The following TTLL13 variants were observed in gnomAD, a reference collection of about 807,000 sequenced individuals.
TTLL13 encodes tubulin polyglutamylase TTLL13.
At chr15:90,264,819 A>T in the TTLL13 span, 1 of 1,536,144 alleles carries the variant, frequency 6.5e-7, no homozygotes, top group Non-Finnish European at 8.7e-7. Flanking sequence ...CTGCAACCGG[A>T]AAGAGTGGCA....
the TTLL13 span, among the ~76,000 whole-genome samples, chr15:90,261,206 G>A: frequency 6.6e-6 from 1 of 150,612 alleles, no homozygotes; most frequent in Non-Finnish European, 1.5e-5. Flanking sequence ...AGCCTCCCAA[G>A]TAGCTGGGAC....
chr15:90,251,788 T>A, the TTLL13 span, among the ~76,000 whole-genome samples: 1 of 148,208 alleles, frequency 6.7e-6, no homozygotes, highest in East Asian at 2.0e-4. Context: ...TTCCAGGTAG[T>A]CTCAGTGTTA....
At chr15:90,263,597 TTC>T in the TTLL13 span, 5 of 577,142 alleles carry the variant, frequency 8.7e-6, no homozygotes, top group South Asian at 6.8e-5. Context: ...CTGTTGGGTC[TTC>T]TGTTTTTGTT....
the TTLL13 span, chr15:90,251,410 C>T: frequency 4.4e-5 from 36 of 822,774 alleles, no homozygotes; most frequent in Non-Finnish European, 7.3e-5. Flanking sequence ...AGGCATGAGC[C>T]ACCGCGCCCA....
chr15:90,264,267 C>G, the TTLL13 span, among the ~76,000 whole-genome samples: 1 of 152,278 alleles, frequency 6.6e-6, no homozygotes, highest in African/African-American at 2.4e-5. Flanking sequence ...TCTCACTTCA[C>G]TGCAAACTCC....
At chr15:90,263,944 C>T in the TTLL13 span, 2 of 1,530,298 alleles carry the variant, frequency 1.3e-6, no homozygotes, top group Non-Finnish European at 1.8e-6. Flanking sequence ...GTACCATCTG[C>T]AGCCCAAGAA....
At chr15:90,252,062 C>T in the TTLL13 span, among the ~76,000 whole-genome samples, 4 of 85,868 alleles carry the variant, frequency 4.7e-5, no homozygotes, top group Middle Eastern at 5.3e-3. Flanking sequence ...TTTTTGAGAC[C>T]GAGTTTTGCT....
chr15:90,260,374 A>G, the TTLL13 span, among the ~76,000 whole-genome samples: 1 of 152,078 alleles, frequency 6.6e-6, no homozygotes, highest in African/African-American at 2.4e-5. Context: ...GTGCGCGCCT[A>G]TGGTCCCAGC....
At chr15:90,258,643 T>C in the TTLL13 span, 14 of 1,027,326 alleles carry the variant, frequency 1.4e-5, no homozygotes, top group African/African-American at 2.1e-4. Context: ...GCTGAGGCCA[T>C]GGGAGAGGAA....
chr15:90,250,314 C>T, the TTLL13 span, among the ~76,000 whole-genome samples: 1 of 152,178 alleles, frequency 6.6e-6, no homozygotes, highest in Admixed American at 6.5e-5. Context: ...GAGCCATGGT[C>T]ATGGCCCATA....
the TTLL13 span, among the ~76,000 whole-genome samples, chr15:90,252,187 G>A: frequency 6.6e-6 from 1 of 152,096 alleles, no homozygotes; most frequent in South Asian, 2.1e-4. Context: ...TTACAGGCAT[G>A]TGCCACCACA....
At chr15:90,252,249 C>T in the TTLL13 span, among the ~76,000 whole-genome samples, 10 of 152,110 alleles carry the variant, frequency 6.6e-5, no homozygotes, top group South Asian at 4.1e-4. Context: ...GTTGGCCAGG[C>T]TGGTCTTGAA....
At chr15:90,254,190 T>TGTTGTTG in the TTLL13 span, among the ~76,000 whole-genome samples, 30 of 90,982 alleles carry the variant, frequency 3.3e-4, no homozygotes, top group African/African-American at 1.0e-3. Context: ...GAGACCCTGT[T>TGTTGTTG]TTTTTTTTTT....
the TTLL13 span, chr15:90,256,083 G>A: frequency 1.5e-5 from 24 of 1,593,304 alleles, no homozygotes; most frequent in African/African-American, 1.8e-4. Context: ...AGCTCCATGC[G>A]GCCCCGGGAA....
At chr15:90,257,760 C>T in the TTLL13 span, 7 of 1,593,152 alleles carry the variant, frequency 4.4e-6, no homozygotes, top group African/African-American at 6.7e-5. Context: ...TCCTCTGCCC[C>T]TTAGCCCCAC....
the TTLL13 span, chr15:90,253,117 G>C: frequency 3.4e-6 from 2 of 590,582 alleles, no homozygotes; most frequent in Admixed American, 5.5e-5. Context: ...AAAGTACAGG[G>C]CTGAGGCAAG....
At chr15:90,264,347 T>C in the TTLL13 span, among the ~76,000 whole-genome samples, 1 of 152,146 alleles carries the variant, frequency 6.6e-6, no homozygotes, top group Admixed American at 6.5e-5. Context: ...CACACCACCA[T>C]GCTCGGCTAA....
chr15:90,263,168 C>T, the TTLL13 span: 1 of 1,507,112 alleles, frequency 6.6e-7, no homozygotes, highest in Admixed American at 2.3e-5. Flanking sequence ...GTGAAGTCTC[C>T]CAGAGGAAAA....
At chr15:90,256,362 C>T in the TTLL13 span, 1 of 1,599,552 alleles carries the variant, frequency 6.3e-7, no homozygotes, top group Non-Finnish European at 8.5e-7. Context: ...TCATCTCTCC[C>T]AAAAGCCAGG....
Sources: allele counts gnomAD v4.1 joint callset (sites outside exome capture counted in the v4.1 genomes callset), GRCh38; gene constraint gnomAD v4.1.1; transcripts MANE v1.5; gene names NCBI Gene and HGNC (gene_info 2026-07-23, HGNC 2026-07-21).